Variants in SLC44A1 observed in about 807,000 individuals in gnomAD.
SLC44A1 encodes the protein choline transporter-like protein 1.
In SLC44A1, 26 loss-of-function variants were observed where a neutral mutation model predicts 79.3. The observed-to-expected ratio is 0.33, with a 90% CI of 0.24 to 0.46. The LOEUF (loss-of-function observed/expected upper bound fraction) is 0.46. Ranked by LOEUF, SLC44A1 falls within the 20% of genes least tolerant of loss-of-function variation. SLC44A1 has a pLI of 1.00. For synonymous variants in SLC44A1, 263 were observed against 286.2 expected, an observed-to-expected ratio of 0.92 and a Z score of 0.82; for missense variants, 688 against 798.1, an observed-to-expected ratio of 0.86 and a Z score of 1.66.
chr9:105,427,708 T>C (rs1829340867), intron 15 of SLC44A1, among the ~76,000 whole-genome samples: 1 of 152,224 alleles, frequency 6.6e-6, no homozygotes, highest in Non-Finnish European at 1.5e-5. Context: ...AGGGAATTAC[T>C]ACATCAAGTG....
At chr9:105,359,909 A>G (rs908472632) in intron 7 of SLC44A1, among the ~76,000 whole-genome samples, 1 of 152,166 alleles carries the variant, frequency 6.6e-6, no homozygotes. Flanking sequence ...CTTTGATCTC[A>G]TTAACTCTTG....
At position 105,393,950 on chromosome 9, in the gene SLC44A1, T is replaced by G; in HGVS notation, c.*4894T>G. 1.0e-6 allele frequency: 1 copy of G among 983,944 alleles called. No homozygotes were observed. The highest frequency in any genetic ancestry group is 1.2e-6 in the Non-Finnish European group (1 of 828,568). 61.0% of individuals were successfully genotyped at this position (983,944 alleles called of 1,614,324 possible). On this transcript the variant is annotated 3_prime_UTR_variant, in exon 16 of 16. Transcript: ENST00000374720. Reference sequence around the variant, plus strand: ...TACAAATGTCTCAGAAATTTCTCACTTTTATTTGCTAAGACCTGAATTTAA... The same window carrying G: ...TACAAATGTCTCAGAAATTTCTCACGTTTATTTGCTAAGACCTGAATTTAA...
chr9:105,370,320 T>C (rs1054492029), intron 12 of SLC44A1, among the ~76,000 whole-genome samples: 2 of 152,226 alleles, frequency 1.3e-5, no homozygotes, highest in Non-Finnish European at 2.9e-5. Context: ...TGTATCCAGT[T>C]CATCTTCCTA....
At chr9:105,438,426 G>C in exon 16 of SLC44A1, 1 of 740,176 alleles carries the variant, frequency 1.4e-6, no homozygotes, top group Non-Finnish European at 2.3e-6. Context: ...CATGTAACAA[G>C]TTTCTCAAAC....
intron 15 of SLC44A1, among the ~76,000 whole-genome samples, chr9:105,426,143 T>C (rs114630616): frequency 0.012 from 1,883 of 152,282 alleles, 25 homozygotes; most frequent in African/African-American, 0.042. Context: ...TTTGTGTAAT[T>C]TGGCCTTTCT....
chr9:105,426,336 A>G (rs772354566), intron 15 of SLC44A1, among the ~76,000 whole-genome samples: 1 of 152,208 alleles, frequency 6.6e-6, no homozygotes, highest in African/African-American at 2.4e-5. Context: ...CTTGATTTAC[A>G]TTGACATTTA....
intron 3 of SLC44A1, among the ~76,000 whole-genome samples, chr9:105,327,040 G>C (rs7873937): frequency 0.18 from 27,655 of 152,074 alleles, 3,549 homozygotes; most frequent in African/African-American, 0.37. Flanking sequence ...TAAGCATTAT[G>C]TTTAATTTTT....
intron 1 of SLC44A1, among the ~76,000 whole-genome samples, chr9:105,287,114 G>A (rs1830496909): frequency 6.6e-6 from 1 of 152,166 alleles, no homozygotes; most frequent in South Asian, 2.1e-4. Context: ...TATATGATAA[G>A]TTATTTATTG....
chr9:105,318,391 G>A (rs944126316), intron 3 of SLC44A1, among the ~76,000 whole-genome samples: 3 of 152,104 alleles, frequency 2.0e-5, no homozygotes, highest in African/African-American at 7.2e-5. Context: ...ATGTTGGCCA[G>A]GCCAGTCTTG....
chr9:105,320,795 G>A (rs1318850808), intron 3 of SLC44A1, among the ~76,000 whole-genome samples: 1 of 152,026 alleles, frequency 6.6e-6, no homozygotes, highest in Non-Finnish European at 1.5e-5. Flanking sequence ...AATCTGTAGT[G>A]GTATCTCACT....
At chr9:105,368,529 C>T (rs7045395) in intron 12 of SLC44A1, among the ~76,000 whole-genome samples, 42 of 152,124 alleles carry the variant, frequency 2.8e-4, no homozygotes, top group African/African-American at 9.9e-4. Flanking sequence ...TGGCAAATCA[C>T]GAGACCTAAA....
intron 3 of SLC44A1, among the ~76,000 whole-genome samples, chr9:105,320,814 A>G (rs1826369672): frequency 6.6e-6 from 1 of 152,028 alleles, no homozygotes; most frequent in Admixed American, 6.6e-5. Context: ...CTGTGGTTTT[A>G]ATTTGCATGT....
intron 3 of SLC44A1, among the ~76,000 whole-genome samples, chr9:105,314,898 T>G (rs974166625): frequency 6.6e-6 from 1 of 152,224 alleles, no homozygotes; most frequent in Non-Finnish European, 1.5e-5. Flanking sequence ...AAACAATCCT[T>G]GAGATCATAT....
Position 105,362,843 on chromosome 9 carries a change from T to G in SLC44A1, c.923T>G (p.Leu308Trp). ...CAGGTGATCTTATTCCTGATAATGT[T>G]GGTTATGCGCAAACGTGTTGCTCTT... The part of the protein sequence containing the change: ...VFTVILFLIM[L>W]VMRKRVALTI... Residue 308 changes from leucine (L) to tryptophan (W), a missense_variant, in exon 9 of 16, where the codon TTG (leucine) becomes TGG (tryptophan). Physicochemically the swap from Leu to Trp is moderately conservative, Grantham distance 61. Transcript: ENST00000374720. 6.2e-7 allele frequency: 1 copy of G among 1,606,494 alleles called. No individual in the cohort carries two copies. Among genetic ancestry groups the G allele is most frequent in the Non-Finnish European group, 8.5e-7 (1 of 1,177,306 alleles).
In SLC44A1 at chr9:105,396,277, C is replaced by G; in HGVS notation, c.*7221C>G. On this transcript the variant is annotated 3_prime_UTR_variant, in exon 16 of 16. Coordinates refer to ENST00000374720, the MANE Select transcript of SLC44A1 (RefSeq NM_080546.5). ...AATGCACTTCTAATAGAGCTTTAATCTAAAGAAGTTAGTTCAGTGGTTATT... is the reference window on the plus strand; with the variant it reads ...AATGCACTTCTAATAGAGCTTTAATGTAAAGAAGTTAGTTCAGTGGTTATT... 8 of 984,964 alleles carry G rather than the reference C, an allele frequency of 8.1e-6. No individual in the cohort carries two copies. Among genetic ancestry groups the G allele is most frequent in the Non-Finnish European group, 9.6e-6 (8 of 829,644 alleles). 61.0% of individuals were successfully genotyped at this position (984,964 alleles called of 1,614,324 possible).
intron 14 of SLC44A1, among the ~76,000 whole-genome samples, chr9:105,385,148 C>A (rs149927559): frequency 0.016 from 2,483 of 152,254 alleles, 35 homozygotes; most frequent in Non-Finnish European, 0.026. Flanking sequence ...TAGGTATTTT[C>A]TCTTCCAGGT....
chr9:105,261,985 A>C (rs1168620790), intron 1 of SLC44A1, among the ~76,000 whole-genome samples: 3 of 151,798 alleles, frequency 2.0e-5, no homozygotes, highest in Non-Finnish European at 4.4e-5. Context: ...GGGTTTCACC[A>C]TGTTGATCGG....
At chr9:105,437,768 C>G (rs1382839351) in intron 15 of SLC44A1, among the ~76,000 whole-genome samples, 1 of 152,152 alleles carries the variant, frequency 6.6e-6, no homozygotes, top group Non-Finnish European at 1.5e-5. Context: ...TTCAAAGTTT[C>G]ATTTGCATTT....
chr9:105,387,060 A>AAATATATATATATATATATAT (rs34780893), intron 15 of SLC44A1, among the ~76,000 whole-genome samples: 2 of 7,728 alleles, frequency 2.6e-4, no homozygotes, highest in Non-Finnish European at 4.7e-4. Flanking sequence ...AAAAAAAAAA[A>AAATATATATATATATATATAT]ATATATATAT....
Sources: gnomAD v4.1 joint callset for allele counts (sites outside exome capture counted in the v4.1 genomes callset) on GRCh38, gnomAD v4.1.1 for gene constraint, MANE v1.5 for transcripts, NCBI Gene and HGNC (gene_info 2026-07-23, HGNC 2026-07-21) for gene names.